SLC41A3: variants seen among roughly 807,000 people sequenced by gnomAD.
SLC41A3 encodes solute carrier family 41 member 3.
SLC41A3 carries 44 observed loss-of-function variants against 45.4 expected under a neutral mutation model. The ratio of observed to expected loss-of-function variants is 0.97; its 90% CI spans 0.76 to 1.25. The LOEUF (loss-of-function observed/expected upper bound fraction) is 1.25. Among genes scored for constraint, SLC41A3 ranks in the 50% most tolerant of loss-of-function variants. SLC41A3 has a pLI of 0.00. For missense variants in SLC41A3, 550 were observed against 600.6 expected, an observed-to-expected ratio of 0.92 and a Z score of 0.88; for synonymous variants, 256 against 252.4, an observed-to-expected ratio of 1.01 and a Z score of -0.13.
chr3:126,027,074 T>C (rs575917857), intron 4 of SLC41A3, among the ~76,000 whole-genome samples: 16 of 152,256 alleles, frequency 1.1e-4, no homozygotes, highest in African/African-American at 3.9e-4. Flanking sequence ...GGAAACGTTA[T>C]TAAAGAAGGA....
intron 3 of SLC41A3, among the ~76,000 whole-genome samples, chr3:126,040,471 T>C (rs1330918223): frequency 1.3e-5 from 2 of 152,046 alleles, no homozygotes; most frequent in African/African-American, 4.8e-5. Context: ...AAGGCAGAGG[T>C]AGTCCTGGGG....
At chr3:126,050,164 G>A (rs1943230675) in intron 3 of SLC41A3, among the ~76,000 whole-genome samples, 1 of 152,126 alleles carries the variant, frequency 6.6e-6, no homozygotes, top group African/African-American at 2.4e-5. Context: ...TATCTCTGGG[G>A]CCACTGTTCA....
At chr3:126,067,094 C>CGCGGG (rs149577703) in intron 2 of SLC41A3, among the ~76,000 whole-genome samples, 1 of 126,204 alleles carries the variant, frequency 7.9e-6, no homozygotes. Flanking sequence ...GGTTGGACCG[C>CGCGGG]CCCCCCGCCC....
At chr3:126,072,780 A>G (rs2108046453) in intron 1 of SLC41A3, among the ~76,000 whole-genome samples, 1 of 152,350 alleles carries the variant, frequency 6.6e-6, no homozygotes. Context: ...TGTATACCCA[A>G]AGAAATATAC....
chr3:126,059,263 G>GAAAGAAAAGAAAGAGA (rs5852464), intron 2 of SLC41A3, among the ~76,000 whole-genome samples: 1 of 11,738 alleles, frequency 8.5e-5, no homozygotes, highest in Non-Finnish European at 1.5e-4. Flanking sequence ...AAGAAAGAAA[G>GAAAGAAAAGAAAGAGA]AAGAAAGAAA....
intron 3 of SLC41A3, among the ~76,000 whole-genome samples, chr3:126,049,808 T>C (rs1369689412): frequency 1.3e-5 from 2 of 152,154 alleles, no homozygotes; most frequent in African/African-American, 4.8e-5. Context: ...AAATGAGTCT[T>C]ATGGGGTCAA....
At chr3:126,090,841 A>G (rs1421322864) in intron 1 of SLC41A3, among the ~76,000 whole-genome samples, 1 of 152,148 alleles carries the variant, frequency 6.6e-6, no homozygotes, top group Admixed American at 6.5e-5. Flanking sequence ...TTGAGGGATA[A>G]AATTAAGTCA....
At chr3:126,019,760 C>T (rs1429548895) in intron 6 of SLC41A3, among the ~76,000 whole-genome samples, 1 of 152,130 alleles carries the variant, frequency 6.6e-6, no homozygotes, top group Non-Finnish European at 1.5e-5. Flanking sequence ...GGTTCCCAGG[C>T]CTCTGAGATC....
intron 4 of SLC41A3, among the ~76,000 whole-genome samples, chr3:126,031,883 A>C (rs1365687567): frequency 6.6e-6 from 1 of 152,274 alleles, no homozygotes; most frequent in Non-Finnish European, 1.5e-5. Flanking sequence ...CCTCAGCCAC[A>C]GGACATGGTG....
chr3:126,019,451 C>T (rs1697235119), intron 6 of SLC41A3, among the ~76,000 whole-genome samples: 1 of 152,110 alleles, frequency 6.6e-6, no homozygotes, highest in South Asian at 2.1e-4. Flanking sequence ...TTCTCACATG[C>T]AAAATACATT....
At chr3:126,032,259 A>G (rs1341364066) in intron 4 of SLC41A3, among the ~76,000 whole-genome samples, 3 of 152,196 alleles carry the variant, frequency 2.0e-5, no homozygotes, top group African/African-American at 7.2e-5. Context: ...CCAGGTGGCC[A>G]GGAGGAGCTG....
intron 8 of SLC41A3, among the ~76,000 whole-genome samples, chr3:126,013,850 T>C (rs1939980445): frequency 6.6e-6 from 1 of 152,128 alleles, no homozygotes; most frequent in South Asian, 2.1e-4. Context: ...CGGGGTCATG[T>C]GTAGACTGAC....
intron 2 of SLC41A3, among the ~76,000 whole-genome samples, chr3:126,060,800 G>T (rs1013526313): frequency 6.6e-6 from 1 of 152,216 alleles, no homozygotes; most frequent in African/African-American, 2.4e-5. Flanking sequence ...GCAGGTGGAA[G>T]CCGGGTCCAG....
chr3:126,077,507 C>A (rs1487060110), intron 1 of SLC41A3, among the ~76,000 whole-genome samples: 2 of 152,204 alleles, frequency 1.3e-5, no homozygotes, highest in Non-Finnish European at 2.9e-5. Flanking sequence ...CAGGCCCACA[C>A]ACTCACTGTT....
intron 6 of SLC41A3, among the ~76,000 whole-genome samples, chr3:126,022,068 A>G (rs1940933284): frequency 7.4e-6 from 1 of 134,550 alleles, no homozygotes; most frequent in African/African-American, 3.1e-5. Flanking sequence ...AGTCACCCAC[A>G]TGGCTCTCCT....
At chr3:126,077,106 C>T (rs1157756644) in intron 1 of SLC41A3, among the ~76,000 whole-genome samples, 3 of 152,134 alleles carry the variant, frequency 2.0e-5, no homozygotes, top group African/African-American at 4.8e-5. Context: ...AGGCTGGGCA[C>T]GATGCTCATG....
At chr3:126,086,792 A>G (rs1302603196), upstream of SLC41A3, among the ~76,000 whole-genome samples, 2 of 152,106 alleles carry the variant, frequency 1.3e-5, no homozygotes, top group African/African-American at 4.8e-5. Context: ...TTACAAATAC[A>G]TAAGATGTAC....
chr3:126,055,328 C>G (rs1465629334), intron 2 of SLC41A3, among the ~76,000 whole-genome samples: 1 of 152,070 alleles, frequency 6.6e-6, no homozygotes, highest in Non-Finnish European at 1.5e-5. Context: ...GCCTGGCCAA[C>G]ATGGTGAAAC....
intron 10 of SLC41A3, 90 bp downstream of exon 10, chr3:126,008,642 C>T (rs949494520): frequency 1.5e-4 from 233 of 1,567,564 alleles, no homozygotes; most frequent in Middle Eastern, 1.9e-4. Flanking sequence ...CACCCCCACC[C>T]GCCTCCCTCA....
Sources: allele counts gnomAD v4.1 joint callset (sites outside exome capture counted in the v4.1 genomes callset), GRCh38; gene constraint gnomAD v4.1.1; transcripts MANE v1.5; gene names NCBI Gene and HGNC (gene_info 2026-07-23, HGNC 2026-07-21).